Variants in DNAJC13 observed in about 807,000 individuals in gnomAD.
DNAJC13 encodes dnaJ homolog subfamily C member 13.
DNAJC13 carries 75 observed loss-of-function variants against 290.5 expected under a neutral mutation model. The ratio of observed to expected loss-of-function variants is 0.26; its 90% confidence interval spans 0.21 to 0.31. DNAJC13 has a LOEUF of 0.31. Among genes scored for constraint, DNAJC13 ranks in the 10% least tolerant of loss-of-function variants. The pLI, the probability that DNAJC13 is intolerant of heterozygous loss-of-function variation, is 1.00. For synonymous variants in DNAJC13, 862 were observed against 892.0 expected (o/e 0.97, Z 0.60); for missense variants, 2,260 against 2,674.5 (o/e 0.85, Z 3.42).
At chr3:132,499,401 A>G (rs1261505153) in intron 37 of DNAJC13, 91 bp downstream of exon 37, 3 of 1,102,672 alleles carry the variant, frequency 2.7e-6, no homozygotes. Context: ...ACAAATGCAG[A>G]TTCTTTAATT....
chr3:132,450,110 G>A (rs987209579), intron 5 of DNAJC13, among the ~76,000 whole-genome samples: 1 of 151,114 alleles, frequency 6.6e-6, no homozygotes, highest in East Asian at 1.9e-4. Flanking sequence ...TAACTTTCCA[G>A]TTGTGTGATT....
rs1483017856 is a variant in DNAJC13 at position 132,446,457 on chromosome 3, A to G, written c.69-18A>G. 1.3e-6 allele frequency: 2 copies of G among 1,582,394 alleles called. No homozygotes were observed. Among genetic ancestry groups the G allele is most frequent in the African/African-American group, 1.4e-5 (1 of 73,492 alleles). ...TTTTTGTTTAAAACTAAATTTAAGC[A>G]CTTGTTTTCCTTTGTAGGTATAAGC... On this transcript the variant is annotated intron_variant, in intron 2 of 55. Coordinates refer to ENST00000260818, the MANE Select transcript of DNAJC13 (RefSeq NM_015268.4).
chr3:132,525,654 C>A lies in DNAJC13; in HGVS notation c.6105C>A (p.Phe2035Leu), dbSNP rs768694626. The A allele has an allele frequency of 6.2e-7, 1 of 1,614,146 alleles. No individual in the cohort carries two copies. The highest frequency in any genetic ancestry group is 8.5e-7 in the Non-Finnish European group (1 of 1,180,000). ...ETLTMATVCL[F>L]SAQPQLADQV... Reference sequence around the variant, plus strand: ...TGACAATGGCAACAGTGTGTCTCTTCAGCGCACAACCTCAGCTGGCAGATC... The same window carrying A: ...TGACAATGGCAACAGTGTGTCTCTTAAGCGCACAACCTCAGCTGGCAGATC... Residue 2035 changes from phenylalanine (F) to leucine (L), a missense_variant, in exon 52 of 56, where the codon TTC (phenylalanine) becomes TTA (leucine). Physicochemically the swap from Phe to Leu is conservative, Grantham distance 22 (BLOSUM62 0). This residue lies in a region of DNAJC13 where 1,494 missense variants were observed against 1,693.7 expected (regional missense o/e 0.88). Coordinates refer to ENST00000260818, the MANE Select transcript of DNAJC13 (RefSeq NM_015268.4).
At position 132,505,282 on chromosome 3, in the gene DNAJC13, A is replaced by C. The variant is rs1275710124; in HGVS notation, c.4885-20A>C. On this transcript the variant is annotated intron_variant, in intron 41 of 55. Coordinates refer to ENST00000260818, the MANE Select transcript of DNAJC13 (RefSeq NM_015268.4). ...AAGTTTTTTCACTAAATGTTATAAA[A>C]CGGTAATATTGTCTCCTAGATTTTG... 1.4e-6 allele frequency: 2 copies of C among 1,456,690 alleles called. No homozygotes were observed. Among genetic ancestry groups the C allele is most frequent in the Non-Finnish European group, 1.9e-6 (2 of 1,046,284 alleles). 90.2% of individuals were successfully genotyped at this position (1,456,690 alleles called of 1,614,324 possible). A position where few individuals can be genotyped will look rare whatever the true frequency, so the allele number is the denominator to read the frequency against.
At chr3:132,439,490 A>G (rs1296784221) in intron 2 of DNAJC13, among the ~76,000 whole-genome samples, 1 of 150,346 alleles carries the variant, frequency 6.7e-6, no homozygotes, top group Non-Finnish European at 1.5e-5. Flanking sequence ...TAAAACTCAG[A>G]TGAGCTGTCC....
chr3:132,506,620 C>T (rs1475815904), intron 42 of DNAJC13, among the ~76,000 whole-genome samples: 6 of 127,716 alleles, frequency 4.7e-5, no homozygotes, highest in East Asian at 2.5e-4. Context: ...GGCATGATCT[C>T]GGCCCACTGC....
At chr3:132,462,617 A>C in intron 16 of DNAJC13, 94 bp downstream of exon 16, 2 of 846,604 alleles carry the variant, frequency 2.4e-6, no homozygotes, top group South Asian at 1.8e-5. Context: ...CTTTTTGGGA[A>C]ATAAACATTT....
intron 55 of DNAJC13, among the ~76,000 whole-genome samples, chr3:132,536,380 C>T (rs988037927): frequency 7.9e-5 from 12 of 151,952 alleles, no homozygotes; most frequent in African/African-American, 2.7e-4. Context: ...ATAGTGAGAC[C>T]CCCATCTGTT....
chr3:132,499,639 C>T, intron 37 of DNAJC13, 95 bp from the exon 38 acceptor site: 1 of 1,032,940 alleles, frequency 9.7e-7, no homozygotes, highest in African/African-American at 1.6e-5. Context: ...AAATATTTAA[C>T]ATTAAAGGGT....
chr3:132,503,501 C>A (rs972391437), intron 41 of DNAJC13, 120 bp downstream of exon 41: 2 of 1,199,496 alleles, frequency 1.7e-6, no homozygotes, highest in Admixed American at 4.9e-5. Context: ...CATGTTTGTT[C>A]TCTCAAGCAA....
In DNAJC13 at chr3:132,454,165, T is replaced by C; in HGVS notation, c.932+8T>C. 1.3e-6 allele frequency: 2 copies of C among 1,583,768 alleles called. No homozygotes were observed. Among genetic ancestry groups the C allele is most frequent in the African/African-American group, 2.7e-5 (2 of 72,804 alleles). ...ATATTCTTCAACAGAGAGGTATTTT[T>C]TTTTTTTTAAGTTTTTGAAATCCTA... On this transcript the variant is annotated splice_region_variant and intron_variant, in intron 9 of 55. Transcript: ENST00000260818.
At chr3:132,515,840 A>G (rs1329878064) in intron 46 of DNAJC13, among the ~76,000 whole-genome samples, 1 of 152,104 alleles carries the variant, frequency 6.6e-6, no homozygotes, top group Non-Finnish European at 1.5e-5. Flanking sequence ...CCTCTACCTT[A>G]TTTGCCAACA....
chr3:132,425,879 G>C (rs1470458925), intron 1 of DNAJC13, among the ~76,000 whole-genome samples: 1 of 151,998 alleles, frequency 6.6e-6, no homozygotes, highest in Non-Finnish European at 1.5e-5. Flanking sequence ...CTTATAGCTT[G>C]ACCGTAATTG....
chr3:132,475,661 G>A (rs1453352403), intron 22 of DNAJC13, among the ~76,000 whole-genome samples: 1 of 152,106 alleles, frequency 6.6e-6, no homozygotes, highest in Non-Finnish European at 1.5e-5. Flanking sequence ...CTTTAACCCA[G>A]TTGCATTTCC....
At chr3:132,482,355 G>A (rs368621027) in intron 27 of DNAJC13, 25 bp downstream of exon 27, 4 of 1,585,444 alleles carry the variant, frequency 2.5e-6, no homozygotes, top group Non-Finnish European at 2.6e-6. Flanking sequence ...GATACTTTTG[G>A]TGAAGGTCTC....
intron 2 of DNAJC13, among the ~76,000 whole-genome samples, chr3:132,437,809 A>G (rs1939419701): frequency 6.6e-6 from 1 of 152,036 alleles, no homozygotes; most frequent in Non-Finnish European, 1.5e-5. Flanking sequence ...TTTCCATATG[A>G]ATTTTAGAGT....
Position 132,530,988 on chromosome 3 carries a change from A to C in DNAJC13, c.6526-10A>C. The C allele has an allele frequency of 6.2e-7, 1 of 1,610,966 alleles. No individual in the cohort carries two copies. Among genetic ancestry groups the C allele is most frequent in the Non-Finnish European group, 8.5e-7 (1 of 1,177,498 alleles). ...ATTTTATGTTCAAAGGGCTTGTTTT[A>C]CTTTCCTAGGTGAATGAAATCCTGT... On this transcript the variant is annotated splice_polypyrimidine_tract_variant and intron_variant, in intron 54 of 55. Transcript: ENST00000260818.
chr3:132,454,016 TA>T, intron 8 of DNAJC13, 49 bp from the exon 9 acceptor site: 1 of 1,381,314 alleles, frequency 7.2e-7, no homozygotes, highest in Non-Finnish European at 1.0e-6. Context: ...TGAAATACTA[TA>T]AAACTATAAA....
intron 45 of DNAJC13, 30 bp downstream of exon 45, chr3:132,513,129 C>G: frequency 6.5e-7 from 1 of 1,539,608 alleles, no homozygotes; most frequent in Admixed American, 1.7e-5. Context: ...AAGCGTGTTG[C>G]CTTTCCTACC....
Sources: gnomAD v4.1 joint callset for allele counts (sites outside exome capture counted in the v4.1 genomes callset) on GRCh38, gnomAD v4.1.1 for gene constraint, gnomAD v4.1.1 regional missense constraint, MANE v1.5 for transcripts, NCBI Gene and HGNC (gene_info 2026-07-23, HGNC 2026-07-21) for gene names.